Variants in MEIS3 observed in about 807,000 individuals in gnomAD.
MEIS3 encodes Meis homeobox 3.
A neutral mutation model predicts 51.4 loss-of-function variants in MEIS3; 38 were observed. The observed-to-expected ratio is 0.74, with a 90% confidence interval of 0.57 to 0.97. The LOEUF (loss-of-function observed/expected upper bound fraction) is 0.97, where lower values mean the gene tolerates loss of function less well. MEIS3 is among the 50% of genes least tolerant of loss of function. MEIS3 has a pLI of 0.00. For synonymous variants in MEIS3, 198 were observed against 201.8 expected, an observed-to-expected ratio of 0.98 and a Z score of 0.16; for missense variants, 456 against 502.6, an observed-to-expected ratio of 0.91 and a Z score of 0.89.
chr19:47,413,995 A>T (rs1971267924), intron 6 of MEIS3, among the ~76,000 whole-genome samples: 1 of 151,638 alleles, frequency 6.6e-6, no homozygotes. Context: ...TCAGCCTCCC[A>T]AAGTGCTGGG....
rs764939746 is a variant in MEIS3, at chr19:47,407,359, T to A, written c.928A>T (p.Asn310Tyr). The change falls in exon 9 of 13, where the codon AAC becomes TAC. Residue 310 changes from asparagine to tyrosine, a missense_variant. Transcript: ENST00000558555. ...QDTGLTILQV[N>Y]NWFINARRRI... ...CCCTCCTGGGCCACTCACCAGTTGT[T>A]GACTTGCAGGATGGTGAGCCCCGTG... 1.8e-5 allele frequency: 29 copies of A among 1,613,054 alleles called. No homozygotes were observed. In the South Asian group the frequency reaches 3.1e-4, roughly 17 times the overall value.
At chr19:47,421,711 G>A (rs1971718764), upstream of MEIS3, among the ~76,000 whole-genome samples, 1 of 149,106 alleles carries the variant, frequency 6.7e-6, no homozygotes, top group Non-Finnish European at 1.5e-5. Flanking sequence ...CTGTCTGTCT[G>A]TCACCTGGGC....
chr19:47,406,575 C>T (rs1322621343), intron 11 of MEIS3, 49 bp from the exon 12 acceptor site: 1 of 1,561,620 alleles, frequency 6.4e-7, no homozygotes, highest in East Asian at 2.2e-5. Context: ...AGAGACACCC[C>T]CAGATGCCTC....
At position 47,409,159 on chromosome 19, in the gene MEIS3, C is replaced by T; in HGVS notation, c.798G>A (p.Arg266=). 6.2e-7 allele frequency: 1 copy of T among 1,612,424 alleles called. No homozygotes were observed. ...TGGTGGCCACCTTGGGGAAGATCCCCCTCTTCTTGTTTCGCCGTCGCTCCT... is the reference window on the plus strand; with the variant it reads ...TGGTGGCCACCTTGGGGAAGATCCCTCTCTTCTTGTTTCGCCGTCGCTCCT... ...LDQERRRNKK[R]GIFPKVATNI... is the part of the protein sequence containing the mutation. The change falls in exon 8 of 13, where the codon AGG becomes AGA. Residue 266 remains arginine, a synonymous_variant. Coordinates refer to ENST00000558555, the MANE Select transcript of MEIS3 (RefSeq NM_001301059.2).
chr19:47,415,409 T>C (rs10416175), intron 4 of MEIS3, among the ~76,000 whole-genome samples: 148,786 of 152,080 alleles, frequency 0.98, 72,855 homozygotes, highest in East Asian at 1. Context: ...GGCATTCCCA[T>C]CCTCTGCCTG....
At chr19:47,417,973 A>C in intron 1 of MEIS3, 1 of 478,284 alleles carries the variant, frequency 2.1e-6, no homozygotes, top group Non-Finnish European at 3.7e-6. Flanking sequence ...CAGGCACAAG[A>C]ATGAATGCAT....
At chr19:47,420,974 T>TCTC (rs200497887), upstream of MEIS3, among the ~76,000 whole-genome samples, 23 of 108,054 alleles carry the variant, frequency 2.1e-4, no homozygotes, top group South Asian at 6.4e-4. Flanking sequence ...TCTCTCTCTC[T>TCTC]TCCTGGCTGT....
At chr19:47,413,493 G>A (rs972695933) in intron 6 of MEIS3, among the ~76,000 whole-genome samples, 2 of 152,050 alleles carry the variant, frequency 1.3e-5, no homozygotes, top group Non-Finnish European at 2.9e-5. Context: ...TGGAGTGGGT[G>A]TGCGTGTGCT....
rs761853552 is a variant in MEIS3 at position 47,417,420 on chromosome 19, G to T, written c.13-70C>A. ...CAGCACCCCGAGACTCGGCTGAGGA[G>T]CTTCTCTATCCTGGAACCCAGGAGA... On this transcript the variant is annotated intron_variant, in intron 1 of 12. Coordinates refer to ENST00000558555, the MANE Select transcript of MEIS3 (RefSeq NM_001301059.2). 30 of 1,566,894 alleles carry T rather than the reference G, an allele frequency of 1.9e-5. No individual in the cohort carries two copies. The African/African-American group carries it at 3.7e-4, about 19-fold the overall frequency.
At chr19:47,413,251 G>A (rs928766706) in intron 6 of MEIS3, among the ~76,000 whole-genome samples, 3 of 151,950 alleles carry the variant, frequency 2.0e-5, no homozygotes, top group African/African-American at 4.8e-5. Flanking sequence ...AAATTAGCCC[G>A]GTGTGGTCGT....
intron 4 of MEIS3, 120 bp downstream of exon 4, chr19:47,416,532 G>C (rs539398516): frequency 7.5e-6 from 6 of 802,382 alleles, no homozygotes; most frequent in Non-Finnish European, 1.2e-5. Flanking sequence ...CAATCATGAC[G>C]GTTTGGGGAC....
chr19:47,407,598 C>G (rs1258536204), intron 8 of MEIS3, 170 bp from the exon 9 acceptor site: 3 of 1,451,036 alleles, frequency 2.1e-6, no homozygotes, highest in Non-Finnish European at 2.7e-6. Flanking sequence ...CCAAGGGAGC[C>G]TCAGGCTTGG....
intron 4 of MEIS3, 118 bp downstream of exon 4, chr19:47,416,534 T>G: frequency 2.5e-6 from 2 of 802,306 alleles, no homozygotes; most frequent in Non-Finnish European, 3.9e-6. Flanking sequence ...ATCATGACGG[T>G]TTGGGGACAT....
At chr19:47,407,308 GCTCTC>G in intron 9 of MEIS3, 39 bp downstream of exon 9, 1 of 1,593,720 alleles carries the variant, frequency 6.3e-7, no homozygotes, top group African/African-American at 1.4e-5. Flanking sequence ...CAGCGCCCGG[GCTCTC>G]GCCCCGGGCC....
intron 6 of MEIS3, among the ~76,000 whole-genome samples, chr19:47,412,574 T>C (rs985556237): frequency 1.3e-5 from 2 of 151,976 alleles, no homozygotes; most frequent in African/African-American, 4.8e-5. Context: ...GTTTGTTTGT[T>C]TTTTTGAGAC....
chr19:47,420,910 T>TCTCTCTCA (rs1457117398), upstream of MEIS3, among the ~76,000 whole-genome samples: 1 of 70,710 alleles, frequency 1.4e-5, no homozygotes, highest in Non-Finnish European at 2.9e-5. Flanking sequence ...TCTCTCTCTC[T>TCTCTCTCA]CACACACACA....
rs148224580 is a variant in MEIS3, at chr19:47,414,438, C to T, written c.597+279G>A. Among the ~76,000 whole-genome samples, 637 of 152,218 alleles carry T rather than the reference C, an allele frequency of 4.2e-3. 6 individuals carry two copies. Among genetic ancestry groups the T allele is most frequent in the African/African-American group, 0.014 (599 of 41,534 alleles). ...TGGCTGTGAGCAGAAATGGCTGTTG[C>T]TGAGTTGGTGTGGCTGTATGTGGAC... On this transcript the variant is annotated intron_variant, in intron 6 of 12. Transcript: ENST00000558555.
intron 6 of MEIS3, among the ~76,000 whole-genome samples, chr19:47,410,921 G>T (rs752704185): frequency 6.6e-6 from 1 of 152,114 alleles, no homozygotes; most frequent in African/African-American, 2.4e-5. Flanking sequence ...AGTGTCTCAG[G>T]ATTCCGAACA....
intron 6 of MEIS3, among the ~76,000 whole-genome samples, chr19:47,411,160 C>A (rs999912300): frequency 6.6e-6 from 1 of 152,156 alleles, no homozygotes; most frequent in Non-Finnish European, 1.5e-5. Context: ...TGGTCTCGAA[C>A]TCCTGGGCTC....
Sources: allele counts gnomAD v4.1 joint callset (sites outside exome capture counted in the v4.1 genomes callset), GRCh38; gene constraint gnomAD v4.1.1; transcripts MANE v1.5; gene names NCBI Gene and HGNC (gene_info 2026-07-23, HGNC 2026-07-21).